PTPRN2: variants seen among roughly 807,000 people sequenced by gnomAD.
The protein encoded by PTPRN2 is protein tyrosine phosphatase receptor type N2, also known as receptor-type tyrosine-protein phosphatase N2.
A neutral mutation model predicts 118.8 loss-of-function variants in PTPRN2; 74 were observed. That is an observed-to-expected ratio of 0.62 (90% CI 0.52 to 0.76). The LOEUF (loss-of-function observed/expected upper bound fraction) is 0.76, where lower values mean the gene tolerates loss of function less well. PTPRN2 is among the 30% of genes least tolerant of loss of function. The pLI is 0.00. For synonymous variants in PTPRN2, 641 were observed against 608.0 expected, an observed-to-expected ratio of 1.05 and a Z score of -0.80; for missense variants, 1,481 against 1,394.4, an observed-to-expected ratio of 1.06 and a Z score of -0.99.
chr7:158,444,785 A>G (rs1445458968), intron 2 of PTPRN2, among the ~76,000 whole-genome samples: 1 of 151,982 alleles, frequency 6.6e-6, no homozygotes, highest in Non-Finnish European at 1.5e-5. Context: ...CGTCACATGC[A>G]CAGAAGCCAG....
intron 12 of PTPRN2, among the ~76,000 whole-genome samples, chr7:157,778,439 A>C (rs563952424): frequency 2.0e-5 from 3 of 151,974 alleles, no homozygotes; most frequent in South Asian, 4.2e-4. Flanking sequence ...ATGCCCACGT[A>C]AACATGTACA....
At chr7:158,188,102 A>G (rs1340267046) in intron 5 of PTPRN2, among the ~76,000 whole-genome samples, 1 of 151,076 alleles carries the variant, frequency 6.6e-6, no homozygotes, top group African/African-American at 2.4e-5. Context: ...CCCCGTCACG[A>G]GCTCCCAACG....
intron 11 of PTPRN2, among the ~76,000 whole-genome samples, chr7:158,036,891 C>T (rs1353321721): frequency 1.3e-5 from 2 of 152,140 alleles, no homozygotes; most frequent in East Asian, 1.9e-4. Flanking sequence ...CTATTTGGAA[C>T]ACCCTAGATA....
chr7:157,863,588 T>TG (rs1264657468), intron 12 of PTPRN2: 7 of 152,222 alleles, frequency 4.6e-5, no homozygotes, highest in African/African-American at 1.7e-4. Flanking sequence ...TATAATTCTT[T>TG]AAAAACTGCA....
chr7:158,356,787 T>TA (rs11438939), intron 2 of PTPRN2, among the ~76,000 whole-genome samples: 116,281 of 148,572 alleles, frequency 0.78, 45,370 homozygotes, highest in African/African-American at 0.81. Flanking sequence ...TGAAAAGAGC[T>TA]AAAAAAAAAA....
chr7:158,204,947 G>T (rs953444041), intron 4 of PTPRN2, among the ~76,000 whole-genome samples: 1 of 152,140 alleles, frequency 6.6e-6, no homozygotes, highest in Non-Finnish European at 1.5e-5. Context: ...ATGGAAAAAC[G>T]AAGAACCCCT....
intron 17 of PTPRN2, among the ~76,000 whole-genome samples, chr7:157,592,620 G>A (rs1451617032): frequency 6.7e-6 from 1 of 149,732 alleles, no homozygotes; most frequent in Non-Finnish European, 1.5e-5. Flanking sequence ...TGGTCGTTGA[G>A]CATGGACGCC....
rs892851640 is a variant in PTPRN2, at chr7:158,326,834, C to T, written c.164-9902G>A. 2.3e-3 allele frequency among the ~76,000 whole-genome samples: 30 copies of T among 12,812 alleles called. 4 individuals are homozygous for T. The highest frequency in any genetic ancestry group is 0.016 in the African/African-American group (27 of 1,686). The allele number at this position is 12,812 out of a possible 152,430, so 8.4% of individuals were successfully genotyped here. A position where few individuals can be genotyped will look rare whatever the true frequency, so the allele number is the denominator to read the frequency against. ...ACATGCACACATCCTCACACATGCT[C>T]TCACATGCATTCTCACACACATGCT... On this transcript the variant is annotated intron_variant, in intron 2 of 22. Coordinates refer to ENST00000389418, the MANE Select transcript of PTPRN2 (RefSeq NM_002847.5).
At chr7:158,247,533 T>C (rs1384977682) in intron 3 of PTPRN2, among the ~76,000 whole-genome samples, 2 of 152,162 alleles carry the variant, frequency 1.3e-5, no homozygotes, top group Non-Finnish European at 2.9e-5. Context: ...TCAGACACCG[T>C]CCTAAACACT....
At chr7:157,842,313 C>G (rs1808480829) in intron 12 of PTPRN2, among the ~76,000 whole-genome samples, 1 of 151,728 alleles carries the variant, frequency 6.6e-6, no homozygotes, top group Non-Finnish European at 1.5e-5. Context: ...GATTACTGAT[C>G]TATCTGCTCT....
intron 13 of PTPRN2, among the ~76,000 whole-genome samples, chr7:157,659,781 G>T (rs1795804287): frequency 6.6e-6 from 1 of 151,914 alleles, no homozygotes; most frequent in African/African-American, 2.4e-5. Context: ...GCCTCACTCT[G>T]TCTCCCAGGC....
At chr7:157,541,011 CAT>C (rs946329143) in intron 22 of PTPRN2, among the ~76,000 whole-genome samples, 46 of 152,256 alleles carry the variant, frequency 3.0e-4, no homozygotes, top group African/African-American at 2.4e-4. Flanking sequence ...AACAGTGACA[CAT>C]GTTTGAGCTT....
rs546309641 is a variant in PTPRN2 at position 158,126,594 on chromosome 7, G to A, written c.1556+7083C>T. On this transcript the variant is annotated intron_variant, in intron 9 of 22. Transcript: ENST00000389418. ...ACCAGCCCCCAGGACAGCGGGCGGC[G>A]GAACTTCCTCTCCGCCACACCAGCC... 2.7e-3 allele frequency among the ~76,000 whole-genome samples: 214 copies of A among 78,902 alleles called. 7 individuals carry two copies. The highest frequency in any genetic ancestry group is 0.013 in the African/African-American group (198 of 15,048). 51.8% of individuals were successfully genotyped at this position (78,902 alleles called of 152,430 possible). A position where few individuals can be genotyped will look rare whatever the true frequency, so the allele number is the denominator to read the frequency against.
At chr7:158,382,381 T>C (rs1811027893) in intron 2 of PTPRN2, among the ~76,000 whole-genome samples, 2 of 152,086 alleles carry the variant, frequency 1.3e-5, no homozygotes, top group African/African-American at 4.8e-5. Context: ...AGCATGGAAT[T>C]TGCAAAGTAT....
chr7:158,039,621 C>T lies in PTPRN2; in HGVS notation c.1723+41677G>A, dbSNP rs1269145427. ...CTCTGACAATTACAGCTCCAGCAAA[C>T]AGTAAACAGCCTAACTCACAGCCAG... On this transcript the variant is annotated intron_variant, in intron 11 of 22. Transcript: ENST00000389418. Among the ~76,000 whole-genome samples the T allele has an allele frequency of 2.6e-5, 4 of 152,334 alleles. No individual in the cohort carries two copies. In the East Asian group the frequency reaches 5.8e-4, roughly 22 times the overall value.
chr7:158,418,149 A>C (rs2129420665), intron 2 of PTPRN2, among the ~76,000 whole-genome samples: 1 of 147,406 alleles, frequency 6.8e-6, no homozygotes. Context: ...CCGCTGTGTT[A>C]AGTCATGGTG....
At chr7:158,011,101 G>C (rs918518932) in intron 11 of PTPRN2, among the ~76,000 whole-genome samples, 1 of 152,240 alleles carries the variant, frequency 6.6e-6, no homozygotes, top group African/African-American at 2.4e-5. Flanking sequence ...TGACAGGAAG[G>C]TGTGCAGATG....
At position 158,344,070 on chromosome 7, in the gene PTPRN2, A is replaced by T. The variant is rs913481869; in HGVS notation, c.164-27138T>A. On this transcript the variant is annotated intron_variant, in intron 2 of 22. Coordinates refer to ENST00000389418, the MANE Select transcript of PTPRN2 (RefSeq NM_002847.5). ...CATGCCACCCAGACCCCCATACGAG[A>T]GTGTCAGACCCCAGCACCTTCCAAA... 2.6e-5 allele frequency among the ~76,000 whole-genome samples: 4 copies of T among 152,202 alleles called. No individual in the cohort carries two copies. The East Asian group carries it at 5.8e-4, about 22-fold the overall frequency.
intron 11 of PTPRN2, among the ~76,000 whole-genome samples, chr7:157,995,027 T>G (rs1309351043): frequency 0.015 from 1 of 68 alleles, no homozygotes; most frequent in African/African-American, 0.071. Flanking sequence ...TACAGCTCCT[T>G]GTTCCTAAAA....
Sources: gnomAD v4.1 joint callset for allele counts (sites outside exome capture counted in the v4.1 genomes callset) on GRCh38, gnomAD v4.1.1 for gene constraint, MANE v1.5 for transcripts, NCBI Gene and HGNC (gene_info 2026-07-23, HGNC 2026-07-21) for gene names.